Variants in FLI1 observed in about 807,000 individuals in gnomAD.
The protein encoded by FLI1 is Fli-1 proto-oncogene, ETS transcription factor.
In FLI1, 13 loss-of-function variants were observed where a neutral mutation model predicts 53.1. That is an observed-to-expected ratio of 0.24 (90% CI 0.16 to 0.39). The LOEUF (loss-of-function observed/expected upper bound fraction) is 0.39, where lower values mean the gene tolerates loss of function less well. Ranked by LOEUF, FLI1 falls within the 10% of genes least tolerant of loss-of-function variation. The pLI, the probability that FLI1 is intolerant of heterozygous loss-of-function variation, is 1.00. For synonymous variants in FLI1, 244 were observed against 236.7 expected (o/e 1.03, Z -0.28); for missense variants, 424 against 600.5 (o/e 0.71, Z 3.07).
rs148070988 is a variant in FLI1, at chr11:128,713,162, A to G, written c.18+18886A>G. Among the ~76,000 whole-genome samples the G allele has an allele frequency of 1.1e-4, 16 of 152,206 alleles. No individual in the cohort carries two copies. In the East Asian group the frequency reaches 2.9e-3, roughly 28 times the overall value. Reference sequence around the variant, plus strand: ...ATGAGGCCATGTTCCTAGAGGTCCAACTCTATGTAATGGTCTTAGGGGTGA... The same window carrying G: ...ATGAGGCCATGTTCCTAGAGGTCCAGCTCTATGTAATGGTCTTAGGGGTGA... On this transcript the variant is annotated intron_variant, in intron 1 of 8. Coordinates refer to ENST00000527786, the MANE Select transcript of FLI1 (RefSeq NM_002017.5).
intron 1 of FLI1, among the ~76,000 whole-genome samples, chr11:128,705,527 AT>A (rs1039211200): frequency 2.0e-5 from 3 of 152,046 alleles, no homozygotes; most frequent in East Asian, 1.9e-4. Flanking sequence ...ACTATACACA[AT>A]TTTTTTTAAA....
chr11:128,776,484 C>G (rs1217777544), intron 4 of FLI1, among the ~76,000 whole-genome samples: 1 of 152,184 alleles, frequency 6.6e-6, no homozygotes, highest in African/African-American at 2.4e-5. Flanking sequence ...AACCCCGTCT[C>G]TACTAAACAT....
At chr11:128,769,956 C>T (rs1046638365) in intron 3 of FLI1, among the ~76,000 whole-genome samples, 5 of 152,164 alleles carry the variant, frequency 3.3e-5, no homozygotes, top group Admixed American at 1.3e-4. Context: ...TGGGTCTTCA[C>T]TCAAATGGTT....
At chr11:128,748,995 T>C (rs752006399) in intron 1 of FLI1, among the ~76,000 whole-genome samples, 8 of 152,348 alleles carry the variant, frequency 5.3e-5, no homozygotes, top group Non-Finnish European at 1.2e-4. Context: ...TTGGTTTTTG[T>C]CTGTTGTTTA....
At chr11:128,751,814 T>G (rs1395534205) in intron 1 of FLI1, among the ~76,000 whole-genome samples, 1 of 150,460 alleles carries the variant, frequency 6.6e-6, no homozygotes, top group Admixed American at 6.6e-5. Flanking sequence ...AGGCGTGGGT[T>G]TTTTTTTTTG....
intron 2 of FLI1, among the ~76,000 whole-genome samples, chr11:128,760,855 C>T (rs1334787923): frequency 6.6e-6 from 1 of 152,100 alleles, no homozygotes; most frequent in Non-Finnish European, 1.5e-5. Context: ...CTGTTGTAAC[C>T]TGAATCTGCC....
intron 1 of FLI1, among the ~76,000 whole-genome samples, chr11:128,704,007 G>C (rs1938452520): frequency 6.6e-6 from 1 of 152,162 alleles, no homozygotes; most frequent in Admixed American, 6.5e-5. Flanking sequence ...AGGATCCGGA[G>C]ACCTGAGTTC....
chr11:128,762,348 G>A (rs916121589), intron 2 of FLI1, among the ~76,000 whole-genome samples: 2 of 152,204 alleles, frequency 1.3e-5, no homozygotes, highest in African/African-American at 4.8e-5. Flanking sequence ...CCAAGGCAGG[G>A]TATAAAATTT....
intron 1 of FLI1, among the ~76,000 whole-genome samples, chr11:128,716,392 A>G (rs1939015730): frequency 3.3e-5 from 5 of 152,136 alleles, no homozygotes; most frequent in Admixed American, 2.6e-4. Context: ...GGGGAAAAGC[A>G]GTTATTCTTC....
intron 2 of FLI1, among the ~76,000 whole-genome samples, chr11:128,765,453 T>C (rs1435268758): frequency 6.6e-6 from 1 of 152,106 alleles, no homozygotes; most frequent in African/African-American, 2.4e-5. Context: ...GGAAAAGAAT[T>C]TTTCCAAATA....
At chr11:128,794,610 A>G (rs1217148907) in intron 5 of FLI1, among the ~76,000 whole-genome samples, 1 of 152,270 alleles carries the variant, frequency 6.6e-6, no homozygotes, top group Non-Finnish European at 1.5e-5. Flanking sequence ...TATAGATTGA[A>G]TAACTCTCTC....
At chr11:128,710,379 C>T (rs1218978660) in intron 1 of FLI1, among the ~76,000 whole-genome samples, 2 of 151,970 alleles carry the variant, frequency 1.3e-5, no homozygotes, top group African/African-American at 4.8e-5. Context: ...AGGGTGTTAT[C>T]CTTGGCCAAC....
intron 1 of FLI1, among the ~76,000 whole-genome samples, chr11:128,702,139 T>G (rs867868066): frequency 2.6e-5 from 4 of 152,266 alleles, no homozygotes; most frequent in Non-Finnish European, 4.4e-5. Context: ...TTTAGACATT[T>G]ATGACTGAAT....
At chr11:128,799,812 C>T (rs889320335) in intron 5 of FLI1, among the ~76,000 whole-genome samples, 34 of 152,154 alleles carry the variant, frequency 2.2e-4, no homozygotes, top group Non-Finnish European at 4.4e-4. Flanking sequence ...GATGAAGGAA[C>T]GCTTAGAGGA....
intron 1 of FLI1, among the ~76,000 whole-genome samples, chr11:128,710,007 C>T (rs914538809): frequency 6.6e-6 from 1 of 152,164 alleles, no homozygotes; most frequent in African/African-American, 2.4e-5. Flanking sequence ...AAGTAATTTG[C>T]CTTGAAGATG....
rs762352696 is a variant in FLI1, at chr11:128,811,008, C to T, written c.*20C>T. ...TACTAGAAGCTTACTCATCAGTGGCCTTCTAGCTGAAGCCCATCCTGCACA... is the reference window on the plus strand; with the variant it reads ...TACTAGAAGCTTACTCATCAGTGGCTTTCTAGCTGAAGCCCATCCTGCACA... On this transcript the variant is annotated 3_prime_UTR_variant, in exon 9 of 9. Coordinates refer to ENST00000527786, the MANE Select transcript of FLI1 (RefSeq NM_002017.5). 1.2e-6 allele frequency: 2 copies of T among 1,613,050 alleles called. No homozygotes were observed. Among genetic ancestry groups the T allele is most frequent in the African/African-American group, 2.7e-5 (2 of 74,932 alleles).
At chr11:128,727,707 A>G (rs1939538547) in intron 1 of FLI1, among the ~76,000 whole-genome samples, 1 of 152,216 alleles carries the variant, frequency 6.6e-6, no homozygotes, top group Non-Finnish European at 1.5e-5. Flanking sequence ...CACTTATTTC[A>G]TGATGCCCAG....
intron 4 of FLI1, among the ~76,000 whole-genome samples, chr11:128,776,614 G>T (rs1307643403): frequency 6.6e-6 from 1 of 152,128 alleles, no homozygotes; most frequent in Non-Finnish European, 1.5e-5. Context: ...TCGCACCACC[G>T]CACTCTGGCC....
At chr11:128,720,196 T>C (rs1034202306) in intron 1 of FLI1, among the ~76,000 whole-genome samples, 2 of 152,202 alleles carry the variant, frequency 1.3e-5, no homozygotes, top group Admixed American at 1.3e-4. Context: ...ATTCTCTTTA[T>C]ATTAAATTAC....
Sources: gnomAD v4.1 joint callset for allele counts (sites outside exome capture counted in the v4.1 genomes callset) on GRCh38, gnomAD v4.1.1 for gene constraint, MANE v1.5 for transcripts, NCBI Gene and HGNC (gene_info 2026-07-23, HGNC 2026-07-21) for gene names.